The following GOLM2 variants were observed in gnomAD, a reference collection of about 807,000 sequenced individuals.
The protein encoded by GOLM2 is protein GOLM2.
Under a neutral mutation model 55.9 loss-of-function variants are expected in GOLM2, and 26 were observed. The observed-to-expected ratio is 0.47, with a 90% CI of 0.34 to 0.65. GOLM2 has a LOEUF of 0.65. Among genes scored for constraint, GOLM2 ranks in the 30% least tolerant of loss-of-function variants. The pLI, the probability that GOLM2 is intolerant of heterozygous loss-of-function variation, is 0.01. For missense variants in GOLM2, 486 were observed against 531.8 expected (o/e 0.91, Z 0.85); for synonymous variants, 165 against 194.6 (o/e 0.85, Z 1.27).
At chr15:44,379,915 T>A (rs200642495) in intron 7 of GOLM2, 127 bp downstream of exon 7, 11 of 463,714 alleles carry the variant, frequency 2.4e-5, no homozygotes, top group African/African-American at 1.7e-4. Context: ...GTAATGTTAT[T>A]TTTTTTTAGA....
intron 1 of GOLM2, among the ~76,000 whole-genome samples, chr15:44,310,525 C>CAT: frequency 6.7e-6 from 1 of 149,288 alleles, no homozygotes; most frequent in East Asian, 2.0e-4. Flanking sequence ...CACACACACA[C>CAT]ATACATATTC....
At chr15:44,377,758 T>C (rs1216357649) in intron 6 of GOLM2, among the ~76,000 whole-genome samples, 4 of 151,936 alleles carry the variant, frequency 2.6e-5, no homozygotes, top group African/African-American at 7.3e-5. Flanking sequence ...TTGGTAATAA[T>C]GTAGAGAAAA....
intron 1 of GOLM2, among the ~76,000 whole-genome samples, chr15:44,308,961 A>T (rs2078856463): frequency 6.6e-6 from 1 of 152,216 alleles, no homozygotes; most frequent in African/African-American, 2.4e-5. Context: ...CTGTTTTAAA[A>T]ATGGGCAAAG....
intron 1 of GOLM2, among the ~76,000 whole-genome samples, chr15:44,294,054 GT>G (rs1347424073): frequency 3.3e-5 from 5 of 152,128 alleles, no homozygotes; most frequent in Non-Finnish European, 7.4e-5. Context: ...GGCTCTGGCT[GT>G]TGGAGAGCTC....
chr15:44,296,494 G>A (rs1222212236), intron 1 of GOLM2, among the ~76,000 whole-genome samples: 1 of 152,150 alleles, frequency 6.6e-6, no homozygotes, highest in East Asian at 1.9e-4. Context: ...TGTCAGAAAG[G>A]AGGATGAGAA....
intron 6 of GOLM2, among the ~76,000 whole-genome samples, chr15:44,364,591 A>G (rs2079270298): frequency 6.6e-6 from 1 of 151,978 alleles, no homozygotes; most frequent in African/African-American, 2.4e-5. Flanking sequence ...GCTACTCGGA[A>G]TGCTGAGGTG....
intron 1 of GOLM2, among the ~76,000 whole-genome samples, chr15:44,322,351 A>G (rs2078956441): frequency 1.3e-5 from 2 of 152,182 alleles, no homozygotes; most frequent in Non-Finnish European, 2.9e-5. Flanking sequence ...TGGGCGACAG[A>G]GTGAGACTCA....
chr15:44,365,927 C>T (rs568841871), intron 6 of GOLM2, among the ~76,000 whole-genome samples: 51 of 152,216 alleles, frequency 3.4e-4, no homozygotes, highest in Non-Finnish European at 6.5e-4. Flanking sequence ...GGAGGCTATC[C>T]ATGGCCATGT....
chr15:44,296,582 G>A (rs1246033117), intron 1 of GOLM2, among the ~76,000 whole-genome samples: 1 of 152,132 alleles, frequency 6.6e-6, no homozygotes, highest in East Asian at 1.9e-4. Context: ...AGAGGTTTGA[G>A]TAAATTGATT....
rs773523079 is a variant in GOLM2, at chr15:44,403,146, T to C, written c.1240+92T>C. ...GTGTAGAATTTCCCCCACTTATTAG[T>C]GGCAGTGTAACCTAAATTTTTTGTT... is the stretch of plus-strand genomic sequence containing the variant. On this transcript the variant is annotated intron_variant, in intron 9 of 9. Coordinates refer to ENST00000299957, the MANE Select transcript of GOLM2 (RefSeq NM_138423.4). 6.3e-6 allele frequency: 9 copies of C among 1,438,038 alleles called. No individual in the cohort carries two copies. The South Asian group carries it at 1.1e-4, about 17-fold the overall frequency. The allele number at this position is 1,438,038 out of a possible 1,614,324, so 89.1% of individuals were successfully genotyped here.
In GOLM2 at chr15:44,403,024, G is replaced by A. The variant is rs1451663270; in HGVS notation, c.1210G>A (p.Asp404Asn). Reference protein sequence around the residue: ...QAELAYNEEEDGDGGEEDVQD... With the variant: ...QAELAYNEEENGDGGEEDVQD... ...TGAGCTGGCTTACAATGAGGAAGAA[G>A]ATGGTGATGGTGGAGAGGAAGACGT... The change falls in exon 9 of 10, where the codon GAT (aspartate) becomes AAT (asparagine). Residue 404 changes from aspartate to asparagine, a missense_variant. By Grantham distance (23) the Asp-to-Asn change is conservative. Transcript: ENST00000299957. The A allele has an allele frequency of 8.7e-6, 14 of 1,614,152 alleles. No homozygotes were observed. Among genetic ancestry groups the A allele is most frequent in the Non-Finnish European group, 1.2e-5 (14 of 1,180,016 alleles).
intron 1 of GOLM2, among the ~76,000 whole-genome samples, chr15:44,308,838 A>G (rs1042236333): frequency 2.6e-5 from 4 of 152,210 alleles, no homozygotes; most frequent in African/African-American, 9.7e-5. Context: ...AACTATCAAC[A>G]GAGTCAAAAG....
chr15:44,312,027 A>G (rs1194118115), intron 1 of GOLM2, among the ~76,000 whole-genome samples: 1 of 152,192 alleles, frequency 6.6e-6, no homozygotes, highest in African/African-American at 2.4e-5. Context: ...GAATGTAACA[A>G]GAAAGAGATT....
At chr15:44,344,335 A>G (rs1346324922) in intron 6 of GOLM2, among the ~76,000 whole-genome samples, 2 of 150,854 alleles carry the variant, frequency 1.3e-5, no homozygotes, top group Non-Finnish European at 2.9e-5. Flanking sequence ...CAAGGGTTAT[A>G]GAGCATGTGC....
intron 9 of GOLM2, among the ~76,000 whole-genome samples, chr15:44,404,877 T>G (rs1187239466): frequency 2.6e-5 from 4 of 152,172 alleles, no homozygotes; most frequent in African/African-American, 9.7e-5. Context: ...ACTCTTTAAC[T>G]TCTGGTATTA....
At chr15:44,360,601 A>T (rs1002330268) in intron 6 of GOLM2, among the ~76,000 whole-genome samples, 7 of 152,156 alleles carry the variant, frequency 4.6e-5, no homozygotes, top group Admixed American at 4.6e-4. Flanking sequence ...CACATTAATA[A>T]TGGGTGACTT....
intron 1 of GOLM2, among the ~76,000 whole-genome samples, chr15:44,317,037 T>C (rs2078915016): frequency 6.6e-6 from 1 of 152,124 alleles, no homozygotes; most frequent in Non-Finnish European, 1.5e-5. Context: ...AGAATTTTTT[T>C]CCAATGTATA....
chr15:44,331,880 C>A (rs1228521849), intron 3 of GOLM2, 108 bp from the exon 4 acceptor site: 1 of 733,928 alleles, frequency 1.4e-6, no homozygotes, highest in African/African-American at 1.8e-5. Flanking sequence ...GCCCACTCTC[C>A]CCTGCTAACT....
intron 8 of GOLM2, among the ~76,000 whole-genome samples, chr15:44,398,657 CTTTTTTTTT>C (rs994381104): frequency 9.3e-6 from 1 of 108,074 alleles, no homozygotes; most frequent in Non-Finnish European, 1.9e-5. Context: ...ATATAGGAGC[CTTTTTTTTT>C]TTTTTTTTTT....
Sources: gnomAD v4.1 joint callset for allele counts (sites outside exome capture counted in the v4.1 genomes callset) on GRCh38, gnomAD v4.1.1 for gene constraint, MANE v1.5 for transcripts, NCBI Gene and HGNC (gene_info 2026-07-23, HGNC 2026-07-21) for gene names.